The following FCHSD2 variants were observed in gnomAD, a reference collection of about 807,000 sequenced individuals.
FCHSD2 encodes F-BAR and double SH3 domains protein 2.
In FCHSD2, 38 loss-of-function variants were observed where a neutral mutation model predicts 108.1. The ratio of observed to expected loss-of-function variants is 0.35; its 90% CI spans 0.27 to 0.46. The LOEUF (loss-of-function observed/expected upper bound fraction) is 0.46, where lower values mean the gene tolerates loss of function less well. FCHSD2 is among the 20% of genes least tolerant of loss of function. The pLI is 1.00. For synonymous variants in FCHSD2, 279 were observed against 314.7 expected, an observed-to-expected ratio of 0.89 and a Z score of 1.20; for missense variants, 751 against 897.8, an observed-to-expected ratio of 0.84 and a Z score of 2.09.
chr11:73,103,612 CA>C (rs1860273569), intron 2 of FCHSD2, among the ~76,000 whole-genome samples: 1 of 152,042 alleles, frequency 6.6e-6, no homozygotes, highest in African/African-American at 2.4e-5. Context: ...AGCTTTATGC[CA>C]ACACACAGTT....
At chr11:72,952,712 A>G (rs1177839452) in intron 8 of FCHSD2, among the ~76,000 whole-genome samples, 1 of 152,228 alleles carries the variant, frequency 6.6e-6, no homozygotes, top group Non-Finnish European at 1.5e-5. Flanking sequence ...GATTAGTGGA[A>G]GATAAGGGAA....
At chr11:72,883,486 TAAC>T (rs1196852946) in intron 12 of FCHSD2, among the ~76,000 whole-genome samples, 4 of 152,130 alleles carry the variant, frequency 2.6e-5, no homozygotes, top group Admixed American at 6.5e-5. Flanking sequence ...CAAAAGATAT[TAAC>T]AAATACTTTA....
At chr11:72,841,115 C>CTA (rs1197047069) in intron 18 of FCHSD2, among the ~76,000 whole-genome samples, 156 bp from the exon 19 acceptor site, 1 of 152,076 alleles carries the variant, frequency 6.6e-6, no homozygotes, top group Non-Finnish European at 1.5e-5. Flanking sequence ...CTGCAGTGAG[C>CTA]TATGATCCCA....
chr11:72,977,126 T>C (rs1432896206), intron 8 of FCHSD2, among the ~76,000 whole-genome samples: 1 of 152,114 alleles, frequency 6.6e-6, no homozygotes, highest in African/African-American at 2.4e-5. Flanking sequence ...CATTTCACCA[T>C]ATTGGCCAGG....
intron 3 of FCHSD2, among the ~76,000 whole-genome samples, chr11:73,054,681 A>C (rs893344812): frequency 2.0e-5 from 3 of 151,354 alleles, no homozygotes; most frequent in African/African-American, 4.9e-5. Flanking sequence ...TTCCTGTTAT[A>C]ATTTTTTTTT....
At chr11:72,849,638 A>G (rs1443119403) in intron 14 of FCHSD2, 117 bp downstream of exon 14, 10 of 805,528 alleles carry the variant, frequency 1.2e-5, no homozygotes, top group South Asian at 1.2e-4. Context: ...TGTTGCCCCA[A>G]TATTAACCTA....
intron 12 of FCHSD2, among the ~76,000 whole-genome samples, chr11:72,882,417 AAGG>A (rs139679700): frequency 0.015 from 2,277 of 151,962 alleles, 20 homozygotes; most frequent in Non-Finnish European, 0.022. Context: ...GATTATGGGG[AAGG>A]AGAAGAAGAG....
chr11:72,949,663 C>T (rs1018513471), intron 8 of FCHSD2, among the ~76,000 whole-genome samples: 1 of 152,120 alleles, frequency 6.6e-6, no homozygotes, highest in East Asian at 1.9e-4. Flanking sequence ...TCACTTAACA[C>T]AATGTTTTCA....
chr11:73,021,205 C>T (rs1311311397), intron 3 of FCHSD2, among the ~76,000 whole-genome samples: 3 of 151,168 alleles, frequency 2.0e-5, no homozygotes, highest in African/African-American at 2.4e-5. Flanking sequence ...ATGACCCATC[C>T]TATTTGATTT....
intron 8 of FCHSD2, among the ~76,000 whole-genome samples, chr11:72,972,728 C>T (rs1857030658): frequency 6.6e-6 from 1 of 152,152 alleles, no homozygotes; most frequent in South Asian, 2.1e-4. Flanking sequence ...ATCTATTACC[C>T]CATATTCCAT....
intron 14 of FCHSD2, among the ~76,000 whole-genome samples, chr11:72,847,072 C>T (rs771832636): frequency 6.6e-6 from 1 of 152,196 alleles, no homozygotes; most frequent in Non-Finnish European, 1.5e-5. Context: ...TCATGGCTCA[C>T]TGCAGCCTCG....
chr11:73,083,597 G>T, intron 3 of FCHSD2, 98 bp downstream of exon 3: 1 of 656,686 alleles, frequency 1.5e-6, no homozygotes, highest in Non-Finnish European at 2.7e-6. Context: ...AGAAAAGGAA[G>T]GCATAGGGAT....
intron 2 of FCHSD2, among the ~76,000 whole-genome samples, chr11:73,103,074 A>G (rs1860261016): frequency 6.6e-6 from 1 of 152,218 alleles, no homozygotes; most frequent in Non-Finnish European, 1.5e-5. Flanking sequence ...ATAATCACAA[A>G]AAGTAAATCA....
intron 2 of FCHSD2, among the ~76,000 whole-genome samples, chr11:73,126,069 C>A (rs530418260): frequency 6.6e-6 from 1 of 151,988 alleles, no homozygotes; most frequent in South Asian, 2.1e-4. Flanking sequence ...CGGCCAGGTG[C>A]GGTGGCTCAC....
intron 12 of FCHSD2, among the ~76,000 whole-genome samples, chr11:72,876,837 T>C (rs1264887164): frequency 6.6e-6 from 1 of 152,238 alleles, no homozygotes; most frequent in Non-Finnish European, 1.5e-5. Flanking sequence ...TTATGTATGT[T>C]GTAGCATTAT....
intron 3 of FCHSD2, among the ~76,000 whole-genome samples, chr11:73,067,007 T>C (rs185591246): frequency 1.3e-5 from 2 of 152,308 alleles, no homozygotes; most frequent in African/African-American, 4.8e-5. Context: ...GGATTATAAA[T>C]CATTCTACTA....
At chr11:72,971,977 T>C (rs1857014937) in intron 8 of FCHSD2, among the ~76,000 whole-genome samples, 2 of 152,220 alleles carry the variant, frequency 1.3e-5, no homozygotes, top group Admixed American at 1.3e-4. Context: ...AATATGGTTA[T>C]ACATATTTGT....
At chr11:73,049,684 T>TAAAAAAA (rs557262661) in intron 3 of FCHSD2, among the ~76,000 whole-genome samples, 4 of 75,668 alleles carry the variant, frequency 5.3e-5, no homozygotes, top group Non-Finnish European at 6.5e-5. Flanking sequence ...TAGAGTATAA[T>TAAAAAAA]AAAAAAAAAA....
At chr11:72,903,916 TGAGA>T (rs2135277079) in intron 9 of FCHSD2, among the ~76,000 whole-genome samples, 1 of 152,280 alleles carries the variant, frequency 6.6e-6, no homozygotes, top group East Asian at 1.9e-4. Flanking sequence ...AACCATTTAT[TGAGA>T]GAGTTTACCA....
Sources: allele counts gnomAD v4.1 joint callset (sites outside exome capture counted in the v4.1 genomes callset), GRCh38; gene constraint gnomAD v4.1.1; transcripts MANE v1.5; gene names NCBI Gene and HGNC (gene_info 2026-07-23, HGNC 2026-07-21).